CNIH3: variants seen among roughly 807,000 people sequenced by gnomAD.
The protein encoded by CNIH3 is cornichon family AMPA receptor auxiliary protein 3.
A neutral mutation model predicts 24.1 loss-of-function variants in CNIH3; 14 were observed. The observed-to-expected ratio is 0.58, with a 90% CI of 0.38 to 0.91. The LOEUF is 0.91. CNIH3 is among the 40% of genes least tolerant of loss of function. CNIH3 has a pLI of 0.00. For missense variants in CNIH3, 178 were observed against 196.8 expected, an observed-to-expected ratio of 0.90 and a Z score of 0.57; for synonymous variants, 68 against 73.8, an observed-to-expected ratio of 0.92 and a Z score of 0.40.
intron 2 of CNIH3, among the ~76,000 whole-genome samples, chr1:224,529,817 T>C (rs1031323184): frequency 6.6e-6 from 1 of 152,244 alleles, no homozygotes; most frequent in African/African-American, 2.4e-5. Context: ...AGTCAGACTT[T>C]GTTTCTGATA....
downstream of CNIH3, among the ~76,000 whole-genome samples, chr1:224,588,901 G>A (rs1051815156): frequency 1.3e-5 from 2 of 149,244 alleles, 1 homozygote. Context: ...CAAAGTTTCT[G>A]TTCTTAAGTC....
At chr1:224,642,830 C>T (rs1684423526) in intron 1 of CNIH3, among the ~76,000 whole-genome samples, 1 of 152,236 alleles carries the variant, frequency 6.6e-6, no homozygotes, top group Non-Finnish European at 1.5e-5. Flanking sequence ...TCTTGCATCT[C>T]TGCATCGAAA....
At chr1:224,573,426 G>A (rs767811359) in intron 4 of CNIH3, among the ~76,000 whole-genome samples, 14 of 152,122 alleles carry the variant, frequency 9.2e-5, no homozygotes, top group Non-Finnish European at 2.1e-4. Flanking sequence ...GAGCTCAGCC[G>A]CTGCCTTTGC....
intron 3 of CNIH3, among the ~76,000 whole-genome samples, chr1:224,729,240 C>T (rs1689191946): frequency 6.6e-6 from 1 of 151,746 alleles, no homozygotes; most frequent in Non-Finnish European, 1.5e-5. Context: ...GTGAAACCCC[C>T]TTTCTACTGA....
At chr1:224,446,212 GT>G (rs35812016) in intron 1 of CNIH3, among the ~76,000 whole-genome samples, 61,462 of 108,694 alleles carry the variant, frequency 0.57, 16,155 homozygotes, top group East Asian at 0.87. Flanking sequence ...TTTCAACTTT[GT>G]TTTTTTTTTT....
chr1:224,716,136 A>T (rs960683291), intron 3 of CNIH3, among the ~76,000 whole-genome samples: 16 of 152,150 alleles, frequency 1.1e-4, no homozygotes, highest in Admixed American at 7.9e-4. Flanking sequence ...ACTCCATCAC[A>T]TTCTGCCCCT....
At chr1:224,699,997 C>T (rs1168157809) in intron 3 of CNIH3, among the ~76,000 whole-genome samples, 5 of 152,130 alleles carry the variant, frequency 3.3e-5, no homozygotes, top group African/African-American at 7.2e-5. Flanking sequence ...TCTGGCCCAC[C>T]GCCTACTGGA....
At chr1:224,628,017 G>A (rs1254780004) in intron 1 of CNIH3, among the ~76,000 whole-genome samples, 1 of 151,454 alleles carries the variant, frequency 6.6e-6, no homozygotes, top group African/African-American at 2.4e-5. Context: ...CTCTGCCTCT[G>A]GAATGTGTAT....
In CNIH3 at chr1:224,445,596, AG is replaced by A. The variant is rs1255019838; in HGVS notation, n.203+10735del. ...GCTTAAAAAAAAAAAAAAAAAAAAA[AG>A]AAAGATTGTGTTGCCTTTCTATTAT... is the stretch of plus-strand genomic sequence containing the variant. On this transcript the variant is annotated intron_variant and non_coding_transcript_variant, in intron 1 of 5. Transcript: ENST00000471578. Among the ~76,000 whole-genome samples, 636 of 131,422 alleles carry A rather than the reference AG, an allele frequency of 4.8e-3. 11 individuals are homozygous for A. The highest frequency in any genetic ancestry group is 0.02 in the African/African-American group (612 of 29,872). 86.2% of individuals were successfully genotyped at this position (131,422 alleles called of 152,430 possible).
At chr1:224,715,791 G>A (rs1436071678) in intron 3 of CNIH3, among the ~76,000 whole-genome samples, 2 of 152,146 alleles carry the variant, frequency 1.3e-5, no homozygotes, top group Non-Finnish European at 2.9e-5. Context: ...TGCAAGGACA[G>A]CATCAAGCCA....
downstream of CNIH3, among the ~76,000 whole-genome samples, chr1:224,538,048 T>C (rs1679360665): frequency 6.6e-6 from 1 of 152,014 alleles, no homozygotes; most frequent in Non-Finnish European, 1.5e-5. Context: ...CCTCCCAGGT[T>C]CCAGCAATTC....
Position 224,739,657 on chromosome 1 carries a change from G to A in CNIH3, c.*301G>A, listed in dbSNP as rs149966084. ...TGACGAAACACTAGACCTCTCCTGA[G>A]AGAGAATTGCTGCTTCCTGAATCCA... On this transcript the variant is annotated 3_prime_UTR_variant, in exon 6 of 6. Coordinates refer to ENST00000272133, the MANE Select transcript of CNIH3 (RefSeq NM_152495.2). 2.1e-6 allele frequency: 1 copy of A among 480,228 alleles called. No individual in the cohort carries two copies. Among genetic ancestry groups the A allele is most frequent in the Non-Finnish European group, 3.6e-6 (1 of 277,516 alleles). The allele number at this position is 480,228 out of a possible 1,614,324, so 29.7% of individuals were successfully genotyped here.
At chr1:224,438,620 A>G (rs1674766865) in intron 1 of CNIH3, among the ~76,000 whole-genome samples, 1 of 152,140 alleles carries the variant, frequency 6.6e-6, no homozygotes, top group South Asian at 2.1e-4. Flanking sequence ...TTTTATATTT[A>G]TATCTCCAGC....
At chr1:224,739,295 C>CTTTTTTTTTTTTTTTTTT in intron 5 of CNIH3, 34 bp from the exon 6 acceptor site, 1 of 1,341,928 alleles carries the variant, frequency 7.5e-7, no homozygotes, top group Admixed American at 2.6e-5. Flanking sequence ...ACCTTCCTCT[C>CTTTTTTTTTTTTTTTTTT]TTTTTTTTTT....
chr1:224,698,849 G>A (rs763129981), intron 3 of CNIH3, among the ~76,000 whole-genome samples: 1 of 152,018 alleles, frequency 6.6e-6, no homozygotes, highest in Non-Finnish European at 1.5e-5. Context: ...ATGCTTTGCT[G>A]ATGGAATGAA....
At chr1:224,652,966 C>G (rs1308090871) in intron 1 of CNIH3, among the ~76,000 whole-genome samples, 1 of 152,130 alleles carries the variant, frequency 6.6e-6, no homozygotes. Flanking sequence ...CTGGAAATTC[C>G]CAGCTGGAGG....
At chr1:224,576,142 T>C (rs1681026664) in intron 4 of CNIH3, among the ~76,000 whole-genome samples, 1 of 152,212 alleles carries the variant, frequency 6.6e-6, no homozygotes, top group East Asian at 1.9e-4. Flanking sequence ...ATTATGTGTT[T>C]TGTACTTACA....
intron 1 of CNIH3, among the ~76,000 whole-genome samples, chr1:224,650,468 A>G (rs1257572096): frequency 1.3e-5 from 2 of 152,132 alleles, no homozygotes; most frequent in Non-Finnish European, 2.9e-5. Context: ...GAATGTGCAA[A>G]TGAACACCAG....
At chr1:224,521,310 A>G (rs1051013284) in exon 2 of CNIH3, 1 of 152,212 alleles carries the variant, frequency 6.6e-6, no homozygotes, top group Non-Finnish European at 1.5e-5. Context: ...TTGAGATTCC[A>G]TCAGCCAGGA....
Sources: gnomAD v4.1 joint callset for allele counts (sites outside exome capture counted in the v4.1 genomes callset) on GRCh38, gnomAD v4.1.1 for gene constraint, MANE v1.5 for transcripts, NCBI Gene and HGNC (gene_info 2026-07-23, HGNC 2026-07-21) for gene names.